LGSN: variants seen among roughly 807,000 people sequenced by gnomAD.
LGSN encodes the protein lengsin.
A neutral mutation model predicts 19.5 loss-of-function variants in LGSN; 21 were observed. That is an observed-to-expected ratio of 1.07 (90% CI 0.76 to 1.55). The LOEUF (loss-of-function observed/expected upper bound fraction) is 1.55, where lower values mean the gene tolerates loss of function less well. Among genes scored for constraint, LGSN ranks in the 40% most tolerant of loss-of-function variants. LGSN has a pLI of 0.00. For missense variants in LGSN, 673 were observed against 608.5 expected (o/e 1.11, Z -1.12); for synonymous variants, 257 against 215.6 (o/e 1.19, Z -1.68).
the LGSN span, among the ~76,000 whole-genome samples, chr6:63,412,165 G>A: frequency 1.3e-5 from 2 of 151,866 alleles, no homozygotes; most frequent in African/African-American, 2.4e-5. Context: ...TCAGGAGTTC[G>A]AGACCAGCCT....
the LGSN span, among the ~76,000 whole-genome samples, chr6:63,411,149 C>T: frequency 6.6e-6 from 1 of 152,098 alleles, no homozygotes; most frequent in Non-Finnish European, 1.5e-5. Context: ...AGAAATTTTG[C>T]CAGCTCTCTA....
chr6:63,293,197 A>C (rs1303153473), intron 2 of LGSN, among the ~76,000 whole-genome samples: 2 of 152,068 alleles, frequency 1.3e-5, no homozygotes, highest in Non-Finnish European at 2.9e-5. Flanking sequence ...GGGTCTGCCT[A>C]TGTTGCCCAG....
At chr6:63,401,954 G>A in the LGSN span, among the ~76,000 whole-genome samples, 1,262 of 152,340 alleles carry the variant, frequency 8.3e-3, 15 homozygotes, top group South Asian at 0.025. Flanking sequence ...TCCCAGTGAC[G>A]AGCAACTGTA....
the LGSN span, among the ~76,000 whole-genome samples, chr6:63,412,401 A>AGG: frequency 2.9e-4 from 39 of 133,468 alleles, no homozygotes; most frequent in African/African-American, 1.1e-3. Flanking sequence ...GAAAGAAGGA[A>AGG]AGAAAGAAAG....
chr6:63,461,499 A>G, the LGSN span, among the ~76,000 whole-genome samples: 26 of 152,344 alleles, frequency 1.7e-4, no homozygotes, highest in African/African-American at 2.9e-4. Context: ...TTGCACATCA[A>G]CATTGTGAAC....
chr6:63,352,175 G>C, the LGSN span, among the ~76,000 whole-genome samples: 1 of 152,176 alleles, frequency 6.6e-6, no homozygotes, highest in Non-Finnish European at 1.5e-5. Flanking sequence ...CATCTACACA[G>C]ACTTGTTTTA....
the LGSN span, among the ~76,000 whole-genome samples, chr6:63,541,659 C>T: frequency 1.2e-4 from 18 of 152,244 alleles, no homozygotes; most frequent in East Asian, 3.5e-3. Flanking sequence ...GATGAACTTA[C>T]CATATATTTC....
the LGSN span, among the ~76,000 whole-genome samples, chr6:63,552,084 TA>T: frequency 3.3e-5 from 5 of 152,176 alleles, no homozygotes; most frequent in Non-Finnish European, 7.3e-5. Flanking sequence ...GGTCAAATGG[TA>T]TTTCTAGTTC....
At chr6:63,438,273 C>G in the LGSN span, among the ~76,000 whole-genome samples, 1 of 152,092 alleles carries the variant, frequency 6.6e-6, no homozygotes, top group East Asian at 1.9e-4. Context: ...CTAGGCATTA[C>G]CATTCAGGAC....
the LGSN span, among the ~76,000 whole-genome samples, chr6:63,446,993 G>T: frequency 1.3e-5 from 2 of 152,178 alleles, no homozygotes; most frequent in Admixed American, 6.5e-5. Context: ...AGGTTGCAGT[G>T]AGCCGAGATC....
chr6:63,518,711 A>G, the LGSN span, among the ~76,000 whole-genome samples: 1 of 152,272 alleles, frequency 6.6e-6, no homozygotes, highest in African/African-American at 2.4e-5. Flanking sequence ...TACTAACAAC[A>G]GAGAGGACAA....
chr6:63,543,926 T>C, the LGSN span, among the ~76,000 whole-genome samples: 2 of 152,228 alleles, frequency 1.3e-5, no homozygotes, highest in Admixed American at 6.5e-5. Context: ...ATTCTGTTTT[T>C]AAGAGTTGTT....
At chr6:63,429,968 C>A in the LGSN span, among the ~76,000 whole-genome samples, 3 of 152,192 alleles carry the variant, frequency 2.0e-5, no homozygotes, top group Non-Finnish European at 4.4e-5. Flanking sequence ...TTCATCCATA[C>A]CTGACAGCTT....
At chr6:63,524,770 G>T in the LGSN span, among the ~76,000 whole-genome samples, 6 of 152,076 alleles carry the variant, frequency 3.9e-5, no homozygotes, top group African/African-American at 1.4e-4. Flanking sequence ...ACATGAAATT[G>T]TATATATTAT....
At chr6:63,442,352 T>G in the LGSN span, among the ~76,000 whole-genome samples, 1 of 152,216 alleles carries the variant, frequency 6.6e-6, no homozygotes, top group Non-Finnish European at 1.5e-5. Context: ...GGGTTGCTGC[T>G]GCTAGCTCGG....
At chr6:63,482,045 C>A in the LGSN span, among the ~76,000 whole-genome samples, 3 of 152,180 alleles carry the variant, frequency 2.0e-5, no homozygotes, top group Non-Finnish European at 4.4e-5. Flanking sequence ...GAATAATGGC[C>A]ATTTATTTCC....
intron 1 of LGSN, among the ~76,000 whole-genome samples, chr6:63,295,952 T>C (rs1212050380): frequency 1.3e-5 from 2 of 152,180 alleles, no homozygotes; most frequent in African/African-American, 4.8e-5. Flanking sequence ...GGTCAAAAAG[T>C]ATGCTGTAAA....
the LGSN span, among the ~76,000 whole-genome samples, chr6:63,404,768 C>T: frequency 6.6e-6 from 1 of 151,870 alleles, no homozygotes; most frequent in Non-Finnish European, 1.5e-5. Flanking sequence ...CAGTCCATTG[C>T]AATGATTAAT....
chr6:63,386,296 A>G, the LGSN span, among the ~76,000 whole-genome samples: 3 of 152,310 alleles, frequency 2.0e-5, no homozygotes, highest in Admixed American at 2.0e-4. Flanking sequence ...GCCACCAGGT[A>G]AACATTTTAC....
Sources: allele counts gnomAD v4.1 joint callset (sites outside exome capture counted in the v4.1 genomes callset), GRCh38; gene constraint gnomAD v4.1.1; transcripts MANE v1.5; gene names NCBI Gene and HGNC (gene_info 2026-07-23, HGNC 2026-07-21).